Variants in SUPT3H observed in about 807,000 individuals in gnomAD.
SUPT3H encodes SPT3 homolog, SAGA and STAGA complex component.
SUPT3H carries 44 observed loss-of-function variants against 44.3 expected under a neutral mutation model. The observed-to-expected ratio is 0.99, with a 90% CI of 0.78 to 1.28. The LOEUF is 1.28. Ranked by LOEUF, SUPT3H falls within the 50% of genes most tolerant of loss-of-function variation. The pLI, the probability that SUPT3H is intolerant of heterozygous loss-of-function variation, is 0.00. For missense variants in SUPT3H, 380 were observed against 387.1 expected (o/e 0.98, Z 0.15); for synonymous variants, 124 against 125.6 (o/e 0.99, Z 0.09).
chr6:44,834,767 C>A (rs1011072591), intron 10 of SUPT3H, among the ~76,000 whole-genome samples: 9 of 152,044 alleles, frequency 5.9e-5, no homozygotes, highest in African/African-American at 2.2e-4. Context: ...GCTTCCCCGG[C>A]CTTAATGGGG....
At chr6:45,261,534 C>T (rs958984484) in intron 2 of SUPT3H, among the ~76,000 whole-genome samples, 6 of 151,982 alleles carry the variant, frequency 3.9e-5, no homozygotes, top group Non-Finnish European at 5.9e-5. Context: ...TTCAACATCC[C>T]TTCATGTTAA....
intron 3 of SUPT3H, among the ~76,000 whole-genome samples, chr6:45,061,588 C>T (rs76568697): frequency 0.039 from 5,906 of 151,914 alleles, 153 homozygotes; most frequent in Middle Eastern, 0.062. Flanking sequence ...ACATGTACAC[C>T]GGAACTTAAA....
At chr6:45,300,965 T>C (rs765848144) in intron 2 of SUPT3H, among the ~76,000 whole-genome samples, 1 of 152,156 alleles carries the variant, frequency 6.6e-6, no homozygotes, top group Non-Finnish European at 1.5e-5. Flanking sequence ...CTCTGGAGTC[T>C]AACTGGCACC....
chr6:45,146,711 A>C (rs1806139321), intron 2 of SUPT3H, among the ~76,000 whole-genome samples: 1 of 152,160 alleles, frequency 6.6e-6, no homozygotes, highest in Admixed American at 6.6e-5. Flanking sequence ...TGGCCTTATA[A>C]AGCATCAAAA....
intron 2 of SUPT3H, among the ~76,000 whole-genome samples, chr6:45,353,809 T>C (rs9472465): frequency 0.18 from 27,212 of 151,078 alleles, 3,789 homozygotes; most frequent in African/African-American, 0.39. Flanking sequence ...TATACAAACC[T>C]TAAGGCAACC....
At chr6:45,366,323 CTT>C (rs1375888032) in intron 1 of SUPT3H, among the ~76,000 whole-genome samples, 2 of 152,166 alleles carry the variant, frequency 1.3e-5, no homozygotes, top group Non-Finnish European at 2.9e-5. Context: ...TTTGCTAAGA[CTT>C]TGGGCAAGTT....
intron 2 of SUPT3H, among the ~76,000 whole-genome samples, chr6:45,266,270 A>T (rs184130383): frequency 0.035 from 5,352 of 151,926 alleles, 140 homozygotes; most frequent in Admixed American, 0.073. Context: ...TACTGTAAAA[A>T]TTTTTTTTAA....
At chr6:44,928,133 G>T (rs149848182) in intron 10 of SUPT3H, among the ~76,000 whole-genome samples, 178 of 152,242 alleles carry the variant, frequency 1.2e-3, no homozygotes, top group African/African-American at 4.0e-3. Context: ...AGGTAGCAGG[G>T]CTGGGATCTG....
At chr6:44,905,547 C>G (rs199807793) in intron 10 of SUPT3H, among the ~76,000 whole-genome samples, 1 of 150,898 alleles carries the variant, frequency 6.6e-6, no homozygotes, top group African/African-American at 2.4e-5. Flanking sequence ...TGTGGAGAAA[C>G]AGGAACACTT....
intron 6 of SUPT3H, among the ~76,000 whole-genome samples, chr6:44,982,248 G>A (rs1779198778): frequency 6.6e-6 from 1 of 151,898 alleles, no homozygotes; most frequent in Non-Finnish European, 1.5e-5. Flanking sequence ...TTTTGAGATG[G>A]AGTCTCGCTC....
chr6:44,908,096 T>C (rs1180090392), intron 10 of SUPT3H, among the ~76,000 whole-genome samples: 3 of 152,012 alleles, frequency 2.0e-5, no homozygotes, highest in African/African-American at 7.2e-5. Flanking sequence ...CCAAAGAATT[T>C]AATTTTAACC....
At chr6:45,074,728 T>C (rs1464009380) in intron 3 of SUPT3H, among the ~76,000 whole-genome samples, 2 of 152,008 alleles carry the variant, frequency 1.3e-5, no homozygotes, top group Middle Eastern at 3.2e-3. Flanking sequence ...TTCCTTGCTT[T>C]TGGGGTGCTG....
intron 2 of SUPT3H, among the ~76,000 whole-genome samples, chr6:45,364,001 G>A (rs1794708871): frequency 6.6e-6 from 1 of 151,844 alleles, no homozygotes; most frequent in African/African-American, 2.4e-5. Context: ...TGTAATCTCA[G>A]CTACTTGGGA....
intron 3 of SUPT3H, among the ~76,000 whole-genome samples, chr6:45,047,212 A>G (rs1789541154): frequency 6.6e-6 from 1 of 152,020 alleles, no homozygotes; most frequent in African/African-American, 2.4e-5. Context: ...TCCTTATGCA[A>G]TGTGTAGGGC....
intron 2 of SUPT3H, among the ~76,000 whole-genome samples, chr6:45,335,009 G>A (rs1285446992): frequency 6.6e-6 from 1 of 150,886 alleles, no homozygotes; most frequent in South Asian, 2.1e-4. Context: ...AGTTTATAAG[G>A]GCAAATATGA....
At chr6:44,853,776 G>A (rs775062735) in intron 10 of SUPT3H, among the ~76,000 whole-genome samples, 2 of 151,964 alleles carry the variant, frequency 1.3e-5, no homozygotes, top group Non-Finnish European at 2.9e-5. Context: ...GGGAAGGTGA[G>A]GGGAAAAATG....
chr6:45,280,594 T>G (rs1777843547), intron 2 of SUPT3H, among the ~76,000 whole-genome samples: 1 of 152,216 alleles, frequency 6.6e-6, no homozygotes, highest in African/African-American at 2.4e-5. Context: ...GGTTTATACT[T>G]TGATTATCAT....
chr6:45,187,133 G>A (rs1814364388), intron 2 of SUPT3H, among the ~76,000 whole-genome samples: 1 of 131,820 alleles, frequency 7.6e-6, no homozygotes, highest in Non-Finnish European at 1.6e-5. Context: ...AAAAAAAGAT[G>A]GCCAGATGCA....
At chr6:44,935,381 C>T (rs1447453599) in intron 9 of SUPT3H, among the ~76,000 whole-genome samples, 1 of 152,090 alleles carries the variant, frequency 6.6e-6, no homozygotes, top group Non-Finnish European at 1.5e-5. Context: ...CTTATATCAG[C>T]TATAAACACG....
Sources: gnomAD v4.1 joint callset for allele counts (sites outside exome capture counted in the v4.1 genomes callset) on GRCh38, gnomAD v4.1.1 for gene constraint, MANE v1.5 for transcripts, NCBI Gene and HGNC (gene_info 2026-07-23, HGNC 2026-07-21) for gene names.